The following GRAMD4 variants were observed in gnomAD, a reference collection of about 807,000 sequenced individuals.
GRAMD4 encodes the protein GRAM domain containing 4.
A neutral mutation model predicts 83.9 loss-of-function variants in GRAMD4; 25 were observed. The observed-to-expected ratio is 0.30, with a 90% confidence interval of 0.22 to 0.42. The LOEUF (loss-of-function observed/expected upper bound fraction) is 0.42, where lower values mean the gene tolerates loss of function less well. GRAMD4 is among the 10% of genes least tolerant of loss of function. The pLI, the probability that GRAMD4 is intolerant of heterozygous loss-of-function variation, is 1.00. For missense variants in GRAMD4, 593 were observed against 788.7 expected (o/e 0.75, Z 2.97); for synonymous variants, 336 against 320.9 (o/e 1.05, Z -0.50).
rs373375776 is a variant in GRAMD4, at chr22:46,592,181, G to A, written c.-50+14891G>A. Among the ~76,000 whole-genome samples the A allele has an allele frequency of 2.6e-4, 39 of 152,266 alleles. No individual in the cohort carries two copies. The East Asian group carries it at 6.4e-3, about 25-fold the overall frequency. On this transcript the variant is annotated intron_variant, in intron 1 of 1. Transcript: ENST00000431155. ...TGGGGGACAGTCCCCATAGGGTTGC[G>A]CCCCCAGAGTGCCCTAGGGAATGAG...
chr22:46,663,814 C>G, intron 6 of GRAMD4, 24 bp from the exon 7 acceptor site: 4 of 1,612,614 alleles, frequency 2.5e-6, no homozygotes, highest in Non-Finnish European at 3.4e-6. Flanking sequence ...ACCCTGGGCT[C>G]CCATCTCTCC....
intron 1 of GRAMD4, among the ~76,000 whole-genome samples, chr22:46,610,056 G>A (rs1051000205): frequency 1.3e-5 from 2 of 152,280 alleles, no homozygotes; most frequent in East Asian, 1.9e-4. Context: ...ATAAGAGGGT[G>A]GATGGTGGCA....
intron 3 of GRAMD4, among the ~76,000 whole-genome samples, chr22:46,648,353 G>GATGA (rs2082101727): frequency 6.7e-6 from 1 of 149,734 alleles, no homozygotes; most frequent in Non-Finnish European, 1.5e-5. Flanking sequence ...TGGATGGATG[G>GATGA]ATGGATGAAT....
chr22:46,604,985 T>C, intron 1 of GRAMD4, among the ~76,000 whole-genome samples: 1 of 89,718 alleles, frequency 1.1e-5, no homozygotes. Context: ...CACCCAGGTT[T>C]TGGTGCCATA....
chr22:46,624,088 A>G (rs910889360), intron 1 of GRAMD4, among the ~76,000 whole-genome samples: 9 of 151,878 alleles, frequency 5.9e-5, no homozygotes, highest in Admixed American at 5.2e-4. Flanking sequence ...GGCCTAGTCA[A>G]GTTGTCTTGT....
downstream of GRAMD4, among the ~76,000 whole-genome samples, chr22:46,680,581 T>TCCAC (rs1569313368): frequency 1.3e-4 from 2 of 15,390 alleles, no homozygotes; most frequent in African/African-American, 2.6e-4. Flanking sequence ...CATCCATCCA[T>TCCAC]CCATCCATCC....
intron 1 of GRAMD4, among the ~76,000 whole-genome samples, chr22:46,603,699 G>A (rs2081337919): frequency 1.3e-5 from 2 of 150,222 alleles, no homozygotes; most frequent in South Asian, 2.1e-4. Flanking sequence ...TGTATTTTTA[G>A]TAGAGACGGG....
chr22:46,648,356 G>T (rs1285130633), intron 3 of GRAMD4, among the ~76,000 whole-genome samples: 3 of 149,930 alleles, frequency 2.0e-5, no homozygotes, highest in Non-Finnish European at 4.4e-5. Context: ...ATGGATGGAT[G>T]GATGAATGGG....
At chr22:46,648,883 G>C (rs1601631745) in intron 3 of GRAMD4, among the ~76,000 whole-genome samples, 1 of 117,938 alleles carries the variant, frequency 8.5e-6, no homozygotes, top group African/African-American at 3.4e-5. Context: ...TGGATGGATG[G>C]ATGGATGGAT....
downstream of GRAMD4, among the ~76,000 whole-genome samples, chr22:46,680,721 C>CCGT (rs2082662697): frequency 1.2e-4 from 13 of 110,292 alleles, no homozygotes; most frequent in African/African-American, 3.2e-4. Context: ...CATCCACCCA[C>CCGT]CCACCCATCC....
At chr22:46,606,882 C>A (rs1569256500) in intron 1 of GRAMD4, among the ~76,000 whole-genome samples, 1 of 152,230 alleles carries the variant, frequency 6.6e-6, no homozygotes, top group Non-Finnish European at 1.5e-5. Flanking sequence ...TGGATTATAC[C>A]CAGAAATGGG....
At chr22:46,582,134 T>G (rs371361461) in intron 1 of GRAMD4, among the ~76,000 whole-genome samples, 91 of 152,144 alleles carry the variant, frequency 6.0e-4, no homozygotes, top group African/African-American at 2.1e-3. Flanking sequence ...GGGATGCACT[T>G]TGCAGTGGCC....
chr22:46,639,963 G>A (rs2081951512), intron 3 of GRAMD4, among the ~76,000 whole-genome samples: 1 of 152,162 alleles, frequency 6.6e-6, no homozygotes, highest in African/African-American at 2.4e-5. Context: ...GACCTCACCA[G>A]CCTGCAGTGG....
chr22:46,661,667 G>A (rs1310381219), intron 5 of GRAMD4, among the ~76,000 whole-genome samples: 1 of 152,248 alleles, frequency 6.6e-6, no homozygotes, highest in Admixed American at 6.5e-5. Context: ...AGTCATCATA[G>A]TCGTCATCAC....
At chr22:46,667,824 G>A (rs1387470902) in intron 10 of GRAMD4, among the ~76,000 whole-genome samples, 1 of 152,258 alleles carries the variant, frequency 6.6e-6, no homozygotes, top group Non-Finnish European at 1.5e-5. Flanking sequence ...CTGTGAAGGT[G>A]AACTGTGAGG....
In GRAMD4 at chr22:46,677,621, C is replaced by G; in HGVS notation, c.*370C>G. On this transcript the variant is annotated 3_prime_UTR_variant, in exon 19 of 19. Transcript: ENST00000406902. ...CAGCCACCCCAAGAGGTTCTCGCAA[C>G]CTTGTGTCCCGCTCTCCAGAGGCCA... 3 of 1,015,212 alleles carry G rather than the reference C, an allele frequency of 3.0e-6. No homozygotes were observed. The highest frequency in any genetic ancestry group is 3.5e-6 in the Non-Finnish European group (3 of 848,220). 62.9% of individuals were successfully genotyped at this position (1,015,212 alleles called of 1,614,324 possible).
intron 1 of GRAMD4, among the ~76,000 whole-genome samples, chr22:46,611,983 C>T (rs1449463365): frequency 5.5e-5 from 6 of 108,766 alleles, no homozygotes; most frequent in South Asian, 3.3e-4. Context: ...GGAGACACAG[C>T]GAGACTCCAT....
chr22:46,623,176 T>G (rs953998308), intron 1 of GRAMD4, among the ~76,000 whole-genome samples: 8 of 151,902 alleles, frequency 5.3e-5, no homozygotes, highest in African/African-American at 1.9e-4. Context: ...AAGGACGGGG[T>G]CCTGTGTGGG....
chr22:46,663,141 G>C lies in GRAMD4; in HGVS notation c.568G>C (p.Val190Leu). 2 of 1,612,458 alleles carry C rather than the reference G, an allele frequency of 1.2e-6. No homozygotes were observed. Among genetic ancestry groups the C allele is most frequent in the Non-Finnish European group, 1.7e-6 (2 of 1,179,666 alleles). ...DFRFQPEENT[V>L]ETEEPLSARR... is the part of the protein sequence containing the mutation. Reference sequence around the variant, plus strand: ...CCGGTTCCAGCCCGAGGAGAACACTGTGGAGACAGAGGAACCCCTGAGCGC... The same window carrying C: ...CCGGTTCCAGCCCGAGGAGAACACTCTGGAGACAGAGGAACCCCTGAGCGC... The change falls in exon 6 of 19, where the codon GTG becomes CTG. Residue 190 changes from valine (V) to leucine (L), a missense_variant. Around this residue, in one of 4 missense-constraint regions of GRAMD4, gnomAD observed 312 missense variants for 350.7 expected, o/e 0.89. Coordinates refer to ENST00000406902, the MANE Select transcript of GRAMD4 (RefSeq NM_015124.5).
Sources: gnomAD v4.1 joint callset for allele counts (sites outside exome capture counted in the v4.1 genomes callset) on GRCh38, gnomAD v4.1.1 for gene constraint, gnomAD v4.1.1 regional missense constraint, MANE v1.5 for transcripts, NCBI Gene and HGNC (gene_info 2026-07-23, HGNC 2026-07-21) for gene names.